Variants in PTPN9 observed in about 807,000 individuals in gnomAD.
The protein encoded by PTPN9 is protein tyrosine phosphatase non-receptor type 9, also known as tyrosine-protein phosphatase non-receptor type 9.
A neutral mutation model predicts 69.8 loss-of-function variants in PTPN9; 26 were observed. The observed-to-expected ratio is 0.37, with a 90% CI of 0.27 to 0.52. The LOEUF is 0.52. Among genes scored for constraint, PTPN9 ranks in the 20% least tolerant of loss-of-function variants. The pLI is 0.91. For synonymous variants in PTPN9, 274 were observed against 272.5 expected (o/e 1.01, Z -0.05); for missense variants, 549 against 740.3 (o/e 0.74, Z 3.00).
intron 1 of PTPN9, among the ~76,000 whole-genome samples, chr15:75,572,503 A>T (rs2075152639): frequency 6.6e-6 from 1 of 152,130 alleles, no homozygotes; most frequent in Non-Finnish European, 1.5e-5. Context: ...TGAGATCAGG[A>T]GTTGGAGACC....
intron 8 of PTPN9, among the ~76,000 whole-genome samples, chr15:75,485,178 C>A (rs2074666939): frequency 6.6e-6 from 1 of 151,990 alleles, no homozygotes; most frequent in Non-Finnish European, 1.5e-5. Context: ...CAGGGTGCAC[C>A]CAGTCAGCCA....
intron 1 of PTPN9, among the ~76,000 whole-genome samples, chr15:75,541,756 G>A (rs1595965793): frequency 6.6e-6 from 1 of 151,406 alleles, no homozygotes; most frequent in Non-Finnish European, 1.5e-5. Flanking sequence ...ACCTAGGTTG[G>A]AGTGCAGTAG....
intron 7 of PTPN9, among the ~76,000 whole-genome samples, chr15:75,504,313 G>A (rs2074800081): frequency 8.1e-6 from 1 of 122,734 alleles, no homozygotes; most frequent in African/African-American, 3.1e-5. Context: ...GGGCGCCTCT[G>A]CCCAGCCGCC....
chr15:75,577,565 A>G (rs1458948594), intron 1 of PTPN9, among the ~76,000 whole-genome samples: 3 of 152,218 alleles, frequency 2.0e-5, no homozygotes, highest in Non-Finnish European at 4.4e-5. Context: ...CCAAATAGAA[A>G]AATGTCATCT....
At chr15:75,520,414 G>T (rs2074896555) in intron 4 of PTPN9, among the ~76,000 whole-genome samples, 2 of 151,506 alleles carry the variant, frequency 1.3e-5, no homozygotes. Context: ...AATGCAGTAA[G>T]ATTTTCACAC....
chr15:75,472,161 T>A (rs1396303619), intron 10 of PTPN9, among the ~76,000 whole-genome samples: 2 of 152,082 alleles, frequency 1.3e-5, no homozygotes, highest in Non-Finnish European at 2.9e-5. Context: ...AAAATATTCC[T>A]TTCATTAAAA....
chr15:75,557,414 G>A (rs980543616), intron 1 of PTPN9, among the ~76,000 whole-genome samples: 1 of 149,570 alleles, frequency 6.7e-6, no homozygotes, highest in Non-Finnish European at 1.5e-5. Context: ...GACAGAATGG[G>A]ACTCTGTCTC....
intron 4 of PTPN9, among the ~76,000 whole-genome samples, chr15:75,519,333 G>A (rs2074890173): frequency 6.6e-6 from 1 of 152,170 alleles, no homozygotes; most frequent in African/African-American, 2.4e-5. Context: ...TCGAACTCCT[G>A]ACCTCAGGTG....
intron 1 of PTPN9, among the ~76,000 whole-genome samples, chr15:75,548,074 C>T (rs1375802945): frequency 6.6e-6 from 1 of 152,082 alleles, no homozygotes; most frequent in Non-Finnish European, 1.5e-5. Context: ...CCCTATATTA[C>T]AGTTGAGAAA....
intron 1 of PTPN9, among the ~76,000 whole-genome samples, chr15:75,531,605 C>T (rs2074964484): frequency 1.3e-5 from 2 of 149,754 alleles, no homozygotes; most frequent in South Asian, 2.1e-4. Context: ...TCTTTTGAGA[C>T]AGAATCTCGC....
rs549900321 is a variant in PTPN9 at position 75,576,353 on chromosome 15, G to A, written c.63+2361C>T. The stretch of plus-strand genomic sequence containing the variant: ...ATGATGAGACTAGCCTGGCCAACAC[G>A]GTGAAACCCCATCTCTACTAAAAAT... On this transcript the variant is annotated intron_variant, in intron 1 of 12. Transcript: ENST00000618819. 3.1e-4 allele frequency among the ~76,000 whole-genome samples: 47 copies of A among 151,974 alleles called. 1 individual carries two copies. Among genetic ancestry groups the A allele is most frequent in the Non-Finnish European group, 4.4e-4 (30 of 68,002 alleles).
intron 7 of PTPN9, among the ~76,000 whole-genome samples, chr15:75,502,599 G>A (rs908980735): frequency 1.3e-5 from 2 of 152,124 alleles, no homozygotes; most frequent in African/African-American, 2.4e-5. Flanking sequence ...ATAAACTAGC[G>A]AGATGGTTTT....
At chr15:75,529,187 A>G (rs1032086471) in intron 1 of PTPN9, among the ~76,000 whole-genome samples, 7 of 151,258 alleles carry the variant, frequency 4.6e-5, no homozygotes, top group Admixed American at 2.0e-4. Flanking sequence ...AGGTTTCACC[A>G]TATTGGCCAG....
intron 7 of PTPN9, among the ~76,000 whole-genome samples, chr15:75,500,682 G>A (rs563012780): frequency 3.7e-4 from 56 of 151,774 alleles, no homozygotes; most frequent in Non-Finnish European, 4.1e-4. Flanking sequence ...CTTGAGCCCA[G>A]GGGTTCAAGA....
At chr15:75,523,001 T>G in intron 4 of PTPN9, 120 bp downstream of exon 4, 1 of 1,193,670 alleles carries the variant, frequency 8.4e-7, no homozygotes, top group Non-Finnish European at 1.2e-6. Flanking sequence ...TTTCTATTCA[T>G]AGCATTGCCC....
At chr15:75,566,025 G>A (rs573463289) in intron 1 of PTPN9, among the ~76,000 whole-genome samples, 2 of 152,016 alleles carry the variant, frequency 1.3e-5, no homozygotes, top group African/African-American at 2.4e-5. Context: ...AAAAAGAAAA[G>A]TTTCCTGTAT....
chr15:75,535,259 G>A (rs2074978280), intron 1 of PTPN9, among the ~76,000 whole-genome samples: 1 of 152,150 alleles, frequency 6.6e-6, no homozygotes, highest in East Asian at 1.9e-4. Context: ...GCCTCCCAAA[G>A]TGCTGGGATT....
intron 8 of PTPN9, among the ~76,000 whole-genome samples, chr15:75,484,532 C>G (rs556462025): frequency 6.6e-6 from 1 of 152,326 alleles, no homozygotes; most frequent in African/African-American, 2.4e-5. Flanking sequence ...TGTCCTCAGT[C>G]TTAATTACTT....
At chr15:75,497,841 TA>T (rs1197437795) in intron 7 of PTPN9, among the ~76,000 whole-genome samples, 19 of 148,002 alleles carry the variant, frequency 1.3e-4, no homozygotes, top group Admixed American at 1.2e-3. Context: ...TATAACAAAA[TA>T]TTAACAAGAG....
Sources: allele counts gnomAD v4.1 joint callset (sites outside exome capture counted in the v4.1 genomes callset), GRCh38; gene constraint gnomAD v4.1.1; transcripts MANE v1.5; gene names NCBI Gene and HGNC (gene_info 2026-07-23, HGNC 2026-07-21).